STARD13: variants seen among roughly 807,000 people sequenced by gnomAD.
STARD13 encodes the protein StAR related lipid transfer domain containing 13.
A neutral mutation model predicts 106.4 loss-of-function variants in STARD13; 62 were observed. The observed-to-expected ratio is 0.58, with a 90% CI of 0.48 to 0.72. The LOEUF (loss-of-function observed/expected upper bound fraction) is 0.72. Among genes scored for constraint, STARD13 ranks in the 30% least tolerant of loss-of-function variants. The pLI is 0.00. For synonymous variants in STARD13, 565 were observed against 553.0 expected (o/e 1.02, Z -0.31); for missense variants, 1,387 against 1,424.0 (o/e 0.97, Z 0.42).
the STARD13 span, among the ~76,000 whole-genome samples, chr13:33,571,562 C>G: frequency 6.6e-6 from 1 of 150,556 alleles, no homozygotes; most frequent in Non-Finnish European, 1.5e-5. Context: ...TCTGAGCCAG[C>G]AAGGCCACAC....
the STARD13 span, among the ~76,000 whole-genome samples, chr13:33,356,564 T>G: frequency 6.6e-6 from 1 of 152,236 alleles, no homozygotes; most frequent in African/African-American, 2.4e-5. Context: ...ACCCATTTTC[T>G]GAGTTCCTCA....
the STARD13 span, among the ~76,000 whole-genome samples, chr13:33,474,442 G>A: frequency 6.6e-6 from 1 of 152,166 alleles, no homozygotes; most frequent in African/African-American, 2.4e-5. Flanking sequence ...TGAGGTAAAA[G>A]CTAGTGGATC....
At chr13:33,214,092 C>T (rs1167428019) in intron 1 of STARD13, among the ~76,000 whole-genome samples, 1 of 152,116 alleles carries the variant, frequency 6.6e-6, no homozygotes, top group South Asian at 2.1e-4. Flanking sequence ...GCATCACAAG[C>T]GACTGTGCGA....
chr13:33,226,150 C>A (rs1474790438), intron 1 of STARD13, among the ~76,000 whole-genome samples: 1 of 152,250 alleles, frequency 6.6e-6, no homozygotes, highest in East Asian at 1.9e-4. Flanking sequence ...AGACTTCCAT[C>A]CTCCAGAACT....
At chr13:33,289,807 CT>C, upstream of STARD13, among the ~76,000 whole-genome samples, 1 of 152,192 alleles carries the variant, frequency 6.6e-6, no homozygotes, top group African/African-American at 2.4e-5. Context: ...GCCACAAGCC[CT>C]CTTAGGAGTA....
chr13:33,226,146 C>A (rs193051221), intron 1 of STARD13, among the ~76,000 whole-genome samples: 216 of 152,352 alleles, frequency 1.4e-3, no homozygotes, highest in African/African-American at 5.0e-3. Context: ...TATCAGACTT[C>A]CATCCTCCAG....
the STARD13 span, among the ~76,000 whole-genome samples, chr13:33,404,144 G>A: frequency 9.8e-5 from 15 of 152,292 alleles, no homozygotes; most frequent in East Asian, 2.7e-3. Context: ...TTTTTCATGG[G>A]TAGTGGGAAA....
At chr13:33,629,786 G>C in the STARD13 span, among the ~76,000 whole-genome samples, 1 of 152,040 alleles carries the variant, frequency 6.6e-6, no homozygotes, top group African/African-American at 2.4e-5. Flanking sequence ...CCAAGGAATA[G>C]CTGGGCAAAA....
the STARD13 span, among the ~76,000 whole-genome samples, chr13:33,438,304 C>T: frequency 3.3e-5 from 5 of 152,172 alleles, no homozygotes; most frequent in Non-Finnish European, 7.4e-5. Context: ...GAAACACGTT[C>T]TTTGCTGATG....
chr13:33,115,030 C>T (rs571081394), intron 8 of STARD13, among the ~76,000 whole-genome samples: 33 of 152,164 alleles, frequency 2.2e-4, no homozygotes, highest in African/African-American at 8.0e-4. Context: ...ACCTCAAATT[C>T]AGATTCCTGT....
At chr13:33,359,775 C>T in the STARD13 span, among the ~76,000 whole-genome samples, 1 of 152,250 alleles carries the variant, frequency 6.6e-6, no homozygotes. Context: ...TAGGCTATTT[C>T]CCCACTAGTT....
At chr13:33,554,431 T>C in the STARD13 span, among the ~76,000 whole-genome samples, 1 of 152,168 alleles carries the variant, frequency 6.6e-6, no homozygotes, top group Non-Finnish European at 1.5e-5. Flanking sequence ...TTACCTAACC[T>C]TCCATGCCTC....
At chr13:33,451,636 A>G in the STARD13 span, among the ~76,000 whole-genome samples, 1 of 152,212 alleles carries the variant, frequency 6.6e-6, no homozygotes, top group Non-Finnish European at 1.5e-5. Flanking sequence ...GTCTGCATAG[A>G]GAAGCCGGAG....
At chr13:33,434,132 C>T in the STARD13 span, among the ~76,000 whole-genome samples, 2 of 152,076 alleles carry the variant, frequency 1.3e-5, no homozygotes, top group African/African-American at 2.4e-5. Context: ...GCAGGTGGAT[C>T]ACTTGAGGTC....
upstream of STARD13, among the ~76,000 whole-genome samples, chr13:33,286,003 A>C (rs1318471423): frequency 1.3e-5 from 2 of 152,092 alleles, no homozygotes; most frequent in African/African-American, 4.8e-5. Context: ...AGTCGAAAGA[A>C]AAAGAGAGAG....
the STARD13 span, among the ~76,000 whole-genome samples, chr13:33,519,281 C>CTTT: frequency 8.2e-6 from 1 of 121,744 alleles, no homozygotes; most frequent in Non-Finnish European, 1.7e-5. Flanking sequence ...TCTTTTCTTT[C>CTTT]TCTTTCTTTC....
At chr13:33,374,619 G>A in the STARD13 span, among the ~76,000 whole-genome samples, 3 of 152,056 alleles carry the variant, frequency 2.0e-5, no homozygotes, top group Non-Finnish European at 2.9e-5. Flanking sequence ...TAATATTCAG[G>A]GGTTACAGGA....
At chr13:33,422,773 C>G in the STARD13 span, among the ~76,000 whole-genome samples, 33 of 152,104 alleles carry the variant, frequency 2.2e-4, no homozygotes, top group African/African-American at 7.7e-4. Context: ...CAGAATAGAG[C>G]CCTCAGAAAT....
the STARD13 span, among the ~76,000 whole-genome samples, chr13:33,496,168 C>T: frequency 2.1e-5 from 3 of 142,658 alleles, no homozygotes; most frequent in Non-Finnish European, 3.0e-5. Context: ...ATAATTTCTA[C>T]TTATTTAAAT....
Sources: gnomAD v4.1 joint callset for allele counts (sites outside exome capture counted in the v4.1 genomes callset) on GRCh38, gnomAD v4.1.1 for gene constraint, MANE v1.5 for transcripts, NCBI Gene and HGNC (gene_info 2026-07-23, HGNC 2026-07-21) for gene names.